Variants in VPS36 observed in about 807,000 individuals in gnomAD.
VPS36 encodes the protein vacuolar protein sorting 36 homolog, also known as vacuolar protein-sorting-associated protein 36.
VPS36 carries 31 observed loss-of-function variants against 63.5 expected under a neutral mutation model. The observed-to-expected ratio is 0.49, with a 90% confidence interval of 0.37 to 0.66. The LOEUF (loss-of-function observed/expected upper bound fraction) is 0.66, where lower values mean the gene tolerates loss of function less well. Among genes scored for constraint, VPS36 ranks in the 30% least tolerant of loss-of-function variants. The pLI, the probability that VPS36 is intolerant of heterozygous loss-of-function variation, is 0.00. For synonymous variants in VPS36, 138 were observed against 157.2 expected (o/e 0.88, Z 0.91); for missense variants, 338 against 463.7 (o/e 0.73, Z 2.49).
In VPS36 at chr13:52,427,329, G is replaced by C. The variant is rs1958112422; in HGVS notation, c.529-110C>G. ...CATAAAAATTTGAAATTTTCAGCCG[G>C]GCGCAGTGGCTCACGCCTATAATCC... On this transcript the variant is annotated intron_variant, in intron 6 of 13. Transcript: ENST00000378060. The C allele has an allele frequency of 4.4e-6, 5 of 1,141,710 alleles. No homozygotes were observed. In the Admixed American group the frequency reaches 6.2e-5, roughly 14 times the overall value. 70.7% of individuals were successfully genotyped at this position (1,141,710 alleles called of 1,614,324 possible). A position where few individuals can be genotyped will look rare whatever the true frequency, so the allele number is the denominator to read the frequency against.
At chr13:52,425,540 C>T (rs1471586468) in intron 9 of VPS36, among the ~76,000 whole-genome samples, 2 of 151,950 alleles carry the variant, frequency 1.3e-5, no homozygotes, top group Non-Finnish European at 2.9e-5. Context: ...AATACAAGTG[C>T]TTTAATAAAC....
chr13:52,428,810 A>C (rs1958128549), intron 6 of VPS36, among the ~76,000 whole-genome samples: 2 of 152,196 alleles, frequency 1.3e-5, no homozygotes, highest in South Asian at 4.1e-4. Flanking sequence ...CACTGTATTT[A>C]TTATATTATG....
At position 52,426,006 on chromosome 13, in the gene VPS36, T is replaced by C; in HGVS notation, c.700A>G (p.Thr234Ala). The change falls in exon 9 of 14, where the codon ACC becomes GCC. Residue 234 changes from threonine (T) to alanine (A), a missense_variant. By Grantham distance (58) the Thr-to-Ala change is moderately conservative. Transcript: ENST00000378060. ...TGGTACTGTGTGCCTGAGCCGTAGG[T>C]TTCTCTGGTAACTGGGTTAGCTATT... ...MGIANPVTRETYGSGTQYHMQ... is the reference protein window; with the variant it reads ...MGIANPVTREAYGSGTQYHMQ... The C allele has an allele frequency of 6.2e-7, 1 of 1,614,100 alleles. No homozygotes were observed. Among genetic ancestry groups the C allele is most frequent in the Non-Finnish European group, 8.5e-7 (1 of 1,179,994 alleles).
At position 52,436,408 on chromosome 13, in the gene VPS36, A is replaced by T. The variant is rs1312554156; in HGVS notation, c.237-4T>A. The T allele has an allele frequency of 1.9e-6, 3 of 1,582,384 alleles. No individual in the cohort carries two copies. The East Asian group carries it at 6.7e-5, about 35-fold the overall frequency. On this transcript the variant is annotated splice_polypyrimidine_tract_variant and splice_region_variant and intron_variant, in intron 3 of 13. Coordinates refer to ENST00000378060, the MANE Select transcript of VPS36 (RefSeq NM_016075.4). ...AAGATGAACCACTATTTTGGCACTG[A>T]AGAAAGAACAAATGTAATATATTGA... is the stretch of plus-strand genomic sequence containing the variant.
In VPS36 at chr13:52,436,279, T is replaced by G; in HGVS notation, c.351+11A>C. The G allele has an allele frequency of 6.3e-7, 1 of 1,577,380 alleles. No individual in the cohort carries two copies. The highest frequency in any genetic ancestry group is 8.7e-7 in the Non-Finnish European group (1 of 1,151,968). The stretch of plus-strand genomic sequence containing the variant: ...CCTTTCTAGTACGATTTTATTCATG[T>G]AGAAACTTACCTCAATCTGGCCATG... On this transcript the variant is annotated intron_variant, in intron 4 of 13. Transcript: ENST00000378060.
chr13:52,433,807 T>C, intron 5 of VPS36, 59 bp from the exon 6 acceptor site: 1 of 1,484,462 alleles, frequency 6.7e-7, no homozygotes, highest in Non-Finnish European at 9.2e-7. Flanking sequence ...ACAAAATCTT[T>C]TGTAACCAAC....
At chr13:52,439,221 CTT>C in intron 2 of VPS36, 53 bp from the exon 3 acceptor site, 9 of 1,523,964 alleles carry the variant, frequency 5.9e-6, no homozygotes, top group Non-Finnish European at 8.1e-6. Context: ...ATCCATAACA[CTT>C]GTCAGAAATC....
intron 2 of VPS36, 34 bp from the exon 3 acceptor site, chr13:52,439,202 C>G: frequency 1.3e-6 from 2 of 1,590,524 alleles, no homozygotes; most frequent in Non-Finnish European, 1.7e-6. Flanking sequence ...ATGAAAGACT[C>G]TAAACAACAT....
chr13:52,413,897 A>G lies in VPS36; in HGVS notation c.*1933T>C, dbSNP rs1407779832. On this transcript the variant is annotated 3_prime_UTR_variant, in exon 14 of 14. Coordinates refer to ENST00000378060, the MANE Select transcript of VPS36 (RefSeq NM_016075.4). Reference sequence around the variant, plus strand: ...AATGCCCACTTTAAAAATAAAATCAATCATACTCATTTTTAAATTAATGTG... The same window carrying G: ...AATGCCCACTTTAAAAATAAAATCAGTCATACTCATTTTTAAATTAATGTG... 1.3e-5 allele frequency: 2 copies of G among 152,298 alleles called. No homozygotes were observed. Among genetic ancestry groups the G allele is most frequent in the African/African-American group, 2.4e-5 (1 of 41,448 alleles). The allele number at this position is 152,298 out of a possible 1,614,324, so 9.4% of individuals were successfully genotyped here. A position where few individuals can be genotyped will look rare whatever the true frequency, so the allele number is the denominator to read the frequency against.
Position 52,436,662 on chromosome 13 carries a change from G to T in VPS36, c.237-258C>A, listed in dbSNP as rs142284820. On this transcript the variant is annotated intron_variant, in intron 3 of 13. Transcript: ENST00000378060. ...CTCTGTAGATTAGAGTGTGACTTTA[G>T]AAAATAAGGTCAAAATAAATTTGCA... 3.5e-3 allele frequency among the ~76,000 whole-genome samples: 536 copies of T among 152,214 alleles called. 2 individuals carry two copies. The highest frequency in any genetic ancestry group is 0.012 in the African/African-American group (482 of 41,520).
At position 52,415,004 on chromosome 13, in the gene VPS36, T is replaced by C. The variant is rs1702005980; in HGVS notation, c.*826A>G. 1.3e-5 allele frequency: 2 copies of C among 152,210 alleles called. No individual in the cohort carries two copies. Among genetic ancestry groups the C allele is most frequent in the Non-Finnish European group, 2.9e-5 (2 of 68,036 alleles). 9.4% of individuals were successfully genotyped at this position (152,210 alleles called of 1,614,324 possible). Reference sequence around the variant, plus strand: ...TCCTTATGGAAAAGAAAAGGAGATATTACTTTTCCACTTTCTATTTCCTGT... The same window carrying C: ...TCCTTATGGAAAAGAAAAGGAGATACTACTTTTCCACTTTCTATTTCCTGT... On this transcript the variant is annotated 3_prime_UTR_variant, in exon 14 of 14. Coordinates refer to ENST00000378060, the MANE Select transcript of VPS36 (RefSeq NM_016075.4).
chr13:52,440,739 A>G (rs1341213539), intron 2 of VPS36, among the ~76,000 whole-genome samples: 3 of 152,242 alleles, frequency 2.0e-5, no homozygotes, highest in African/African-American at 7.2e-5. Flanking sequence ...GTTTAAGGAC[A>G]TCCACTCTAT....
intron 10 of VPS36, among the ~76,000 whole-genome samples, chr13:52,419,764 T>C (rs1048810729): frequency 1.1e-4 from 16 of 152,204 alleles, no homozygotes; most frequent in Admixed American, 3.3e-4. Context: ...CTGGAAGACA[T>C]TGTTTAGTGA....
intron 1 of VPS36, among the ~76,000 whole-genome samples, chr13:52,443,045 C>A (rs1321799305): frequency 6.6e-6 from 1 of 151,896 alleles, no homozygotes; most frequent in Non-Finnish European, 1.5e-5. Context: ...CAAATACATA[C>A]AAAAATAAAT....
chr13:52,416,810 T>G (rs1430143733), intron 12 of VPS36, among the ~76,000 whole-genome samples: 1 of 152,212 alleles, frequency 6.6e-6, no homozygotes, highest in East Asian at 1.9e-4. Flanking sequence ...AGAAAGCACC[T>G]CACTCACTAA....
chr13:52,429,789 T>C (rs558608027), intron 6 of VPS36, among the ~76,000 whole-genome samples: 2 of 152,292 alleles, frequency 1.3e-5, no homozygotes, highest in South Asian at 2.1e-4. Context: ...TGAGTTAGTA[T>C]GGCAGTATCA....
intron 5 of VPS36, among the ~76,000 whole-genome samples, chr13:52,433,950 A>G (rs533616945): frequency 9.2e-5 from 14 of 152,350 alleles, no homozygotes; most frequent in African/African-American, 3.4e-4. Context: ...TCATTCAGGA[A>G]AAACCAAATA....
At chr13:52,431,371 C>T (rs564676035) in intron 6 of VPS36, among the ~76,000 whole-genome samples, 1 of 152,264 alleles carries the variant, frequency 6.6e-6, no homozygotes, top group Admixed American at 6.5e-5. Context: ...AAAATTCTAG[C>T]TCTGTCCATT....
chr13:52,435,350 A>C (rs114867115), intron 4 of VPS36, among the ~76,000 whole-genome samples: 62 of 152,292 alleles, frequency 4.1e-4, no homozygotes, highest in African/African-American at 1.3e-3. Context: ...AAAGAAAATC[A>C]AAGGAAGTTC....
Sources: gnomAD v4.1 joint callset for allele counts (sites outside exome capture counted in the v4.1 genomes callset) on GRCh38, gnomAD v4.1.1 for gene constraint, MANE v1.5 for transcripts, NCBI Gene and HGNC (gene_info 2026-07-23, HGNC 2026-07-21) for gene names.